Variants in NBEA observed in about 807,000 individuals in gnomAD.
NBEA encodes the protein neurobeachin.
In NBEA, 44 loss-of-function variants were observed where a neutral mutation model predicts 343.4. The observed-to-expected ratio is 0.13, with a 90% CI of 0.10 to 0.16. The LOEUF is 0.16. NBEA is among the 10% of genes least tolerant of loss of function. The pLI, the probability that NBEA is intolerant of heterozygous loss-of-function variation, is 1.00. For missense variants in NBEA, 2,555 were observed against 3,631.3 expected (o/e 0.70, Z 7.62); for synonymous variants, 1,175 against 1,238.7 (o/e 0.95, Z 1.08).
chr13:35,252,125 T>C (rs1327627668), intron 34 of NBEA, among the ~76,000 whole-genome samples: 1 of 152,192 alleles, frequency 6.6e-6, no homozygotes, highest in African/African-American at 2.4e-5. Flanking sequence ...AGAGGTTTAA[T>C]TGATTCACAG....
At chr13:35,436,635 G>A (rs954289962) in intron 39 of NBEA, among the ~76,000 whole-genome samples, 4 of 151,694 alleles carry the variant, frequency 2.6e-5, no homozygotes, top group Admixed American at 1.3e-4. Context: ...GCATGAGCCC[G>A]GGAGACGGAG....
intron 35 of NBEA, among the ~76,000 whole-genome samples, chr13:35,296,783 T>C (rs1412658672): frequency 6.6e-6 from 1 of 152,080 alleles, no homozygotes; most frequent in Non-Finnish European, 1.5e-5. Flanking sequence ...CTAGTATACA[T>C]TCTCTTTTTT....
At chr13:35,281,739 A>G (rs1213920201) in intron 34 of NBEA, among the ~76,000 whole-genome samples, 1 of 152,112 alleles carries the variant, frequency 6.6e-6, no homozygotes, top group Non-Finnish European at 1.5e-5. Context: ...AGGTGTATAC[A>G]ATACAAAAGC....
intron 44 of NBEA, among the ~76,000 whole-genome samples, chr13:35,564,958 AAC>A (rs1376371549): frequency 6.6e-6 from 1 of 152,244 alleles, no homozygotes; most frequent in Non-Finnish European, 1.5e-5. Flanking sequence ...GGCATATGCC[AAC>A]ACACAGAGAT....
At chr13:35,054,382 A>G (rs965238557) in intron 6 of NBEA, among the ~76,000 whole-genome samples, 15 of 152,090 alleles carry the variant, frequency 9.9e-5, no homozygotes, top group South Asian at 4.1e-4. Context: ...TTTAGAAACA[A>G]TTGTTAAATG....
chr13:35,127,974 T>G (rs192555215), intron 17 of NBEA, among the ~76,000 whole-genome samples: 34 of 151,318 alleles, frequency 2.2e-4, no homozygotes, highest in Non-Finnish European at 7.4e-5. Flanking sequence ...ATCACAGTAA[T>G]GAAACCCAGT....
intron 34 of NBEA, among the ~76,000 whole-genome samples, chr13:35,260,203 G>A (rs1206463964): frequency 6.6e-6 from 1 of 152,142 alleles, no homozygotes; most frequent in Non-Finnish European, 1.5e-5. Flanking sequence ...AGCTTCTTTA[G>A]TATTGATTGA....
chr13:35,183,131 A>G (rs2071431190), intron 29 of NBEA, among the ~76,000 whole-genome samples: 1 of 151,990 alleles, frequency 6.6e-6, no homozygotes, highest in Non-Finnish European at 1.5e-5. Flanking sequence ...AAAAATGCTC[A>G]TGTTGCAGCA....
chr13:35,111,696 A>G (rs900612684), intron 13 of NBEA, among the ~76,000 whole-genome samples: 1 of 151,978 alleles, frequency 6.6e-6, no homozygotes, highest in African/African-American at 2.4e-5. Context: ...ATGTTAGAGC[A>G]TTCTCTCATT....
At chr13:35,174,408 T>C (rs2070716188) in intron 27 of NBEA, among the ~76,000 whole-genome samples, 1 of 152,136 alleles carries the variant, frequency 6.6e-6, no homozygotes, top group Non-Finnish European at 1.5e-5. Context: ...CTGTTATCAC[T>C]CATTACACTT....
intron 30 of NBEA, among the ~76,000 whole-genome samples, chr13:35,190,318 C>G (rs73167779): frequency 0.062 from 9,504 of 152,120 alleles, 305 homozygotes; most frequent in African/African-American, 0.073. Flanking sequence ...AATGAGATAT[C>G]CATATTCCCA....
intron 1 of NBEA, among the ~76,000 whole-genome samples, chr13:35,003,046 A>G (rs1046960736): frequency 5.3e-5 from 8 of 152,198 alleles, no homozygotes; most frequent in Non-Finnish European, 1.2e-4. Flanking sequence ...CAGTACAATG[A>G]ACGAAGAATG....
At chr13:35,120,781 C>T (rs1844185353) in intron 16 of NBEA, among the ~76,000 whole-genome samples, 1 of 129,354 alleles carries the variant, frequency 7.7e-6, no homozygotes, top group South Asian at 2.3e-4. Context: ...TCTTATATAG[C>T]TTAGACCATT....
chr13:35,663,050 G>A (rs577040763), intron 55 of NBEA, among the ~76,000 whole-genome samples: 4 of 152,142 alleles, frequency 2.6e-5, no homozygotes, highest in Non-Finnish European at 5.9e-5. Context: ...AGGATACAAT[G>A]TGTAATGATC....
intron 34 of NBEA, among the ~76,000 whole-genome samples, chr13:35,273,938 A>G (rs1249544398): frequency 6.6e-6 from 1 of 152,228 alleles, no homozygotes; most frequent in Non-Finnish European, 1.5e-5. Flanking sequence ...CCAGATATAC[A>G]AAGAAGAGCT....
chr13:35,208,926 C>T (rs2073581032), intron 32 of NBEA, 72 bp downstream of exon 32: 7 of 1,156,650 alleles, frequency 6.1e-6, no homozygotes, highest in Non-Finnish European at 8.2e-6. Flanking sequence ...CTTATTTGAT[C>T]TTAAAAATTA....
chr13:35,652,738 A>G (rs1232943033), intron 53 of NBEA, among the ~76,000 whole-genome samples: 1 of 101,234 alleles, frequency 9.9e-6, no homozygotes, highest in African/African-American at 3.9e-5. Context: ...TCTGTCGCCC[A>G]GGCTGGAGTA....
At chr13:35,230,870 G>A (rs760443498) in intron 33 of NBEA, among the ~76,000 whole-genome samples, 6 of 151,932 alleles carry the variant, frequency 3.9e-5, no homozygotes, top group South Asian at 2.1e-4. Flanking sequence ...AATGCTTGCC[G>A]TACACACAGA....
chr13:35,165,176 T>C, intron 24 of NBEA: 1 of 524,220 alleles, frequency 1.9e-6, no homozygotes, highest in Non-Finnish European at 3.9e-6. Context: ...TTTACTAAGA[T>C]GTGCTTTAGT....
Sources: allele counts gnomAD v4.1 joint callset (sites outside exome capture counted in the v4.1 genomes callset), GRCh38; gene constraint gnomAD v4.1.1; transcripts MANE v1.5; gene names NCBI Gene and HGNC (gene_info 2026-07-23, HGNC 2026-07-21).